Variants in ZMAT3 observed in about 807,000 individuals in gnomAD.
The protein encoded by ZMAT3 is zinc finger matrin-type protein 3.
ZMAT3 carries 17 observed loss-of-function variants against 32.3 expected under a neutral mutation model. The ratio of observed to expected loss-of-function variants is 0.53; its 90% CI spans 0.36 to 0.79. The LOEUF is 0.79. Among genes scored for constraint, ZMAT3 ranks in the 30% least tolerant of loss-of-function variants. The probability of loss-of-function intolerance (pLI) is 0.00; values close to 1 mark genes in which losing one functional copy is unlikely to be tolerated. For synonymous variants in ZMAT3, 120 were observed against 133.1 expected, an observed-to-expected ratio of 0.90 and a Z score of 0.68; for missense variants, 329 against 359.7, an observed-to-expected ratio of 0.91 and a Z score of 0.69.
At position 179,055,704 on chromosome 3, in the gene ZMAT3, C is replaced by T. The variant is rs28827517; in HGVS notation, c.270+11779G>A. Reference sequence around the variant, plus strand: ...TAGACCTAGGTAAATTCTCAGATAACCCTGACGGCTATATTGATGTTTTAC... The same window carrying T: ...TAGACCTAGGTAAATTCTCAGATAATCCTGACGGCTATATTGATGTTTTAC... On this transcript the variant is annotated intron_variant, in intron 2 of 5. Transcript: ENST00000311417. 9.8e-3 allele frequency among the ~76,000 whole-genome samples: 1,495 copies of T among 152,248 alleles called. 29 individuals are homozygous for T. The highest frequency in any genetic ancestry group is 0.034 in the African/African-American group (1,419 of 41,538).
intron 2 of ZMAT3, among the ~76,000 whole-genome samples, chr3:179,044,488 C>A (rs1467735089): frequency 6.6e-6 from 1 of 151,986 alleles, no homozygotes; most frequent in Admixed American, 6.6e-5. Flanking sequence ...ACTAAAACTA[C>A]AAAAAATTAG....
intron 2 of ZMAT3, among the ~76,000 whole-genome samples, chr3:179,032,117 C>A (rs1291548818): frequency 6.7e-6 from 1 of 148,636 alleles, no homozygotes; most frequent in Non-Finnish European, 1.5e-5. Flanking sequence ...ATTCTCCTGC[C>A]TCAGCCTGCC....
intron 2 of ZMAT3, among the ~76,000 whole-genome samples, chr3:179,050,719 A>G (rs567115531): frequency 6.6e-6 from 1 of 152,232 alleles, no homozygotes; most frequent in Admixed American, 6.5e-5. Flanking sequence ...AAAAATCCTC[A>G]ACAAAATACT....
At chr3:179,060,346 G>GA (rs1721089609) in intron 2 of ZMAT3, among the ~76,000 whole-genome samples, 1 of 150,736 alleles carries the variant, frequency 6.6e-6, no homozygotes, top group Non-Finnish European at 1.5e-5. Flanking sequence ...TTCCTAGAAG[G>GA]AAAGACAAAA....
Position 179,017,506 on chromosome 3 carries a change from A to C in ZMAT3, c.*7511T>G, listed in dbSNP as rs1718333679. On this transcript the variant is annotated 3_prime_UTR_variant, in exon 6 of 6. Transcript: ENST00000311417. ...TGCAGCCCCAGAACACAGACTTCCA[A>C]AGCAGTGACTGGCACTCCGACCCAA... The C allele has an allele frequency of 6.6e-6, 1 of 152,176 alleles. No homozygotes were observed. The highest frequency in any genetic ancestry group is 1.5e-5 in the Non-Finnish European group (1 of 68,034). 9.4% of individuals were successfully genotyped at this position (152,176 alleles called of 1,614,324 possible).
Position 179,018,169 on chromosome 3 carries a change from T to C in ZMAT3, c.*6848A>G, listed in dbSNP as rs1718368192. The C allele has an allele frequency of 1.3e-5, 2 of 152,106 alleles. No individual in the cohort carries two copies. Among genetic ancestry groups the C allele is most frequent in the South Asian group, 2.1e-4 (1 of 4,830 alleles). The allele number at this position is 152,106 out of a possible 1,614,324, so 9.4% of individuals were successfully genotyped here. A position where few individuals can be genotyped will look rare whatever the true frequency, so the allele number is the denominator to read the frequency against. On this transcript the variant is annotated 3_prime_UTR_variant, in exon 6 of 6. Coordinates refer to ENST00000311417, the MANE Select transcript of ZMAT3 (RefSeq NM_022470.4). ...TAGGATAATATCACTCATTCTGACA[T>C]GTGGAGTTACTCTTCCTTAAAAAAA...
chr3:179,032,256 G>A (rs562304357), intron 2 of ZMAT3, among the ~76,000 whole-genome samples: 6 of 151,782 alleles, frequency 4.0e-5, no homozygotes, highest in South Asian at 4.2e-4. Flanking sequence ...TGCCAGCCTC[G>A]GCCTCCCGAG....
intron 2 of ZMAT3, among the ~76,000 whole-genome samples, chr3:179,032,131 T>C (rs1719276417): frequency 3.4e-5 from 5 of 148,906 alleles, no homozygotes; most frequent in African/African-American, 9.9e-5. Context: ...GCCTGCCGAG[T>C]GCCTGCGATT....
At chr3:179,029,494 C>T (rs1380075833) in intron 3 of ZMAT3, among the ~76,000 whole-genome samples, 2 of 151,960 alleles carry the variant, frequency 1.3e-5, no homozygotes, top group African/African-American at 2.4e-5. Context: ...GAGATAGTCT[C>T]GCTCTGTCAC....
At chr3:179,030,837 G>A (rs1182692031) in intron 3 of ZMAT3, 43 bp downstream of exon 3, 1 of 1,587,434 alleles carries the variant, frequency 6.3e-7, no homozygotes, top group East Asian at 2.3e-5. Context: ...GCATATTACA[G>A]CTTCCACCCT....
At chr3:179,053,305 T>C (rs2108572718) in intron 2 of ZMAT3, among the ~76,000 whole-genome samples, 1 of 151,004 alleles carries the variant, frequency 6.6e-6, no homozygotes, top group East Asian at 1.9e-4. Flanking sequence ...ATATAGAATA[T>C]CTATAAAATT....
chr3:179,058,971 G>A (rs1479462132), intron 2 of ZMAT3, among the ~76,000 whole-genome samples: 1 of 152,050 alleles, frequency 6.6e-6, no homozygotes, highest in African/African-American at 2.4e-5. Context: ...AGTCCTCCAT[G>A]CCTATGTAGC....
At chr3:179,028,447 G>T (rs1718998583) in intron 3 of ZMAT3, among the ~76,000 whole-genome samples, 1 of 152,216 alleles carries the variant, frequency 6.6e-6, no homozygotes, top group African/African-American at 2.4e-5. Context: ...CTAGGTTTTG[G>T]CCAGAAGAGA....
intron 2 of ZMAT3, among the ~76,000 whole-genome samples, chr3:179,034,487 A>C (rs1719475045): frequency 6.6e-6 from 1 of 152,184 alleles, no homozygotes; most frequent in Non-Finnish European, 1.5e-5. Flanking sequence ...ATGTCCAAGG[A>C]CGCACCCTTA....
rs1036879473 is a variant in ZMAT3 at position 179,031,125 on chromosome 3, T to A, written c.271-126A>T. ...TTTTGAGAGAGAGACCACATTCACA[T>A]AATTTCCATGACAGTATATTTTTAT... On this transcript the variant is annotated intron_variant, in intron 2 of 5. Transcript: ENST00000311417. 5.3e-6 allele frequency: 4 copies of A among 757,140 alleles called. No homozygotes were observed. The African/African-American group carries it at 5.4e-5, about 10-fold the overall frequency. 46.9% of individuals were successfully genotyped at this position (757,140 alleles called of 1,614,324 possible). A position where few individuals can be genotyped will look rare whatever the true frequency, so the allele number is the denominator to read the frequency against.
chr3:179,027,617 T>C (rs1431510918), intron 4 of ZMAT3, 29 bp downstream of exon 4: 1 of 1,614,022 alleles, frequency 6.2e-7, no homozygotes, highest in South Asian at 1.1e-5. Context: ...ACATAACACT[T>C]TGGCCTCAGA....
In ZMAT3 at chr3:179,030,952, G is replaced by C. The variant is rs748609109; in HGVS notation, c.318C>G (p.Ser106Arg). 6.2e-7 allele frequency: 1 copy of C among 1,613,734 alleles called. No individual in the cohort carries two copies. Among genetic ancestry groups the C allele is most frequent in the Non-Finnish European group, 8.5e-7 (1 of 1,179,844 alleles). The change falls in exon 3 of 6, where the codon AGC (serine) becomes AGG (arginine). Residue 106 changes from serine to arginine, a missense_variant. By Grantham distance (110) the Ser-to-Arg change is moderately radical (BLOSUM62 -1). Coordinates refer to ENST00000311417, the MANE Select transcript of ZMAT3 (RefSeq NM_022470.4). Reference protein sequence around the residue: ...KKLRNYYAANSCPPPARMSNV... With the variant: ...KKLRNYYAANRCPPPARMSNV... The stretch of plus-strand genomic sequence containing the variant: ...TGCTCATTCTAGCAGGAGGAGGACA[G>C]CTATTTGCTGCATAGTAATTTCGGA...
intron 2 of ZMAT3, among the ~76,000 whole-genome samples, chr3:179,039,844 C>T (rs772908445): frequency 2.6e-5 from 4 of 152,188 alleles, no homozygotes; most frequent in South Asian, 2.1e-4. Context: ...AAAGGTTAGA[C>T]GAATGGCTAA....
chr3:179,024,868 GTT>G lies in ZMAT3; in HGVS notation c.*147_*148del. The G allele has an allele frequency of 4.7e-6, 3 of 641,052 alleles. No individual in the cohort carries two copies. The highest frequency in any genetic ancestry group is 3.7e-5 in the East Asian group (1 of 26,692). 39.7% of individuals were successfully genotyped at this position (641,052 alleles called of 1,614,324 possible). On this transcript the variant is annotated 3_prime_UTR_variant, in exon 6 of 6. Transcript: ENST00000311417. The stretch of plus-strand genomic sequence containing the variant: ...CCCCGCCCCGCCCCCGGGCCCCCAG[GTT>G]TTGACATCTCATGGTACCACTGTGG...
Sources: allele counts gnomAD v4.1 joint callset (sites outside exome capture counted in the v4.1 genomes callset), GRCh38; gene constraint gnomAD v4.1.1; transcripts MANE v1.5; gene names NCBI Gene and HGNC (gene_info 2026-07-23, HGNC 2026-07-21).